RAP1GAP: variants seen among roughly 807,000 people sequenced by gnomAD.
RAP1GAP encodes RAP1 GTPase activating protein.
RAP1GAP carries 35 observed loss-of-function variants against 87.2 expected under a neutral mutation model. That is an observed-to-expected ratio of 0.40 (90% CI 0.31 to 0.53). The LOEUF is 0.53. RAP1GAP is among the 20% of genes least tolerant of loss of function. The probability of loss-of-function intolerance (pLI) is 0.48; values close to 1 mark genes in which losing one functional copy is unlikely to be tolerated. For synonymous variants in RAP1GAP, 375 were observed against 363.9 expected (o/e 1.03, Z -0.35); for missense variants, 734 against 898.9 (o/e 0.82, Z 2.35).
chr1:21,653,500 G>A (rs905243159), intron 1 of RAP1GAP, among the ~76,000 whole-genome samples: 2 of 152,016 alleles, frequency 1.3e-5, no homozygotes, highest in Non-Finnish European at 1.5e-5. Context: ...GGCTCCTGAG[G>A]GGTGGGTCCT....
In RAP1GAP at chr1:21,602,889, G is replaced by A. The variant is rs1438026416; in HGVS notation, c.1453C>T (p.Pro485Ser). ...GISLIVPGKS[P>S]TRKKSGPFGS... ...AACGGGCCCGACTTCTTCCTCGTGG[G>A]GCTCTTCCCAGGGACAATCAGTGAC... The change falls in exon 19 of 25, where the codon CCC (proline) becomes TCC (serine). Residue 485 changes from proline to serine, a missense_variant. Around this residue, in one of 2 missense-constraint regions of RAP1GAP, gnomAD observed 249 missense variants for 252.7 expected, o/e 0.99. Coordinates refer to ENST00000374765, the MANE Select transcript of RAP1GAP (RefSeq NM_002885.4). The A allele has an allele frequency of 6.2e-7, 1 of 1,610,362 alleles. No individual in the cohort carries two copies.
rs2089623453 is a variant in RAP1GAP, at chr1:21,622,812, C to G, written c.-18-2762G>C. 1 of 152,174 alleles carries G rather than the reference C, an allele frequency of 6.6e-6. No homozygotes were observed. Among genetic ancestry groups the G allele is most frequent in the Admixed American group, 6.5e-5 (1 of 15,292 alleles). The allele number at this position is 152,174 out of a possible 1,614,324, so 9.4% of individuals were successfully genotyped here. A position where few individuals can be genotyped will look rare whatever the true frequency, so the allele number is the denominator to read the frequency against. On this transcript the variant is annotated intron_variant, in intron 3 of 24. Transcript: ENST00000374765. This position sits in a 1 kb window ranked among gnomAD's most constrained non-coding sequence, Gnocchi z 5.7. ...TCCATCTTCCCAGGCTCTGGGTACC[C>G]CGCCTCGGCATCAAGGACAGGGTTG...
chr1:21,605,892 T>C (rs2074147325), intron 18 of RAP1GAP, among the ~76,000 whole-genome samples, 174 bp downstream of exon 18: 1 of 152,212 alleles, frequency 6.6e-6, no homozygotes, highest in African/African-American at 2.4e-5. Flanking sequence ...TGTCCTGGCC[T>C]GGGCACTTCA....
At chr1:21,607,328 C>T (rs1262819244) in intron 17 of RAP1GAP, among the ~76,000 whole-genome samples, 1 of 152,192 alleles carries the variant, frequency 6.6e-6, no homozygotes, top group Non-Finnish European at 1.5e-5. Flanking sequence ...TTGCACTAAC[C>T]TAACTCTTTT....
rs1022615094 is a variant in RAP1GAP, at chr1:21,634,724, C to T, written c.-112-8327G>A. On this transcript the variant is annotated intron_variant, in intron 2 of 24. Transcript: ENST00000374765. The surrounding 1 kb of genome is among the most constrained non-coding windows in gnomAD (Gnocchi z 4.1). ...AGGTGGTCACGGGACCGGTCCCTGC[C>T]CAGGGCACAGCATCTGGGAACCAGG... is the stretch of plus-strand genomic sequence containing the variant. 5 of 455,162 alleles carry T rather than the reference C, an allele frequency of 1.1e-5. No homozygotes were observed. Among genetic ancestry groups the T allele is most frequent in the African/African-American group, 1.0e-4 (5 of 49,968 alleles). 28.2% of individuals were successfully genotyped at this position (455,162 alleles called of 1,614,324 possible).
At chr1:21,665,335 C>A in intron 1 of RAP1GAP, 1 of 466,948 alleles carries the variant, frequency 2.1e-6, no homozygotes, top group Non-Finnish European at 4.4e-6. Context: ...GTGGGCAAGT[C>A]ACTTTCTCTC....
chr1:21,613,617 G>C lies in RAP1GAP; in HGVS notation c.474+11C>G. 1 of 1,607,636 alleles carries C rather than the reference G, an allele frequency of 6.2e-7. No individual in the cohort carries two copies. ...GCCAGCCCGGGAAGCTCAGCGGAGC[G>C]GAGACCTCACCTTTGCCATCTGGAC... On this transcript the variant is annotated intron_variant, in intron 9 of 24. Coordinates refer to ENST00000374765, the MANE Select transcript of RAP1GAP (RefSeq NM_002885.4). The surrounding 1 kb of genome is among the most constrained non-coding windows in gnomAD (Gnocchi z 4.7).
At chr1:21,601,403 C>T (rs1050031013) in intron 20 of RAP1GAP, among the ~76,000 whole-genome samples, 5 of 152,214 alleles carry the variant, frequency 3.3e-5, no homozygotes, top group African/African-American at 1.2e-4. Context: ...CACCATGATC[C>T]GGCAACAGCC....
intron 2 of RAP1GAP, among the ~76,000 whole-genome samples, chr1:21,633,189 G>A (rs1201187137): frequency 6.6e-6 from 1 of 152,194 alleles, no homozygotes; most frequent in African/African-American, 2.4e-5. Context: ...GTCCTGGGTG[G>A]TGGGCTTGGC....
intron 2 of RAP1GAP, among the ~76,000 whole-genome samples, chr1:21,629,690 A>G (rs1350969591): frequency 6.6e-6 from 1 of 152,258 alleles, no homozygotes; most frequent in African/African-American, 2.4e-5. Flanking sequence ...GAAGAGGGAC[A>G]GGAATGACAA....
At chr1:21,660,339 C>CTATTTATATATATATATA (rs563814821) in intron 1 of RAP1GAP, among the ~76,000 whole-genome samples, 16 of 52,850 alleles carry the variant, frequency 3.0e-4, no homozygotes, top group African/African-American at 7.2e-4. Flanking sequence ...TCCAACTCAG[C>CTATTTATATATATATATA]TATATATATT....
chr1:21,631,330 T>A (rs1198775630), intron 2 of RAP1GAP, among the ~76,000 whole-genome samples: 2 of 152,226 alleles, frequency 1.3e-5, no homozygotes, highest in African/African-American at 4.8e-5. Flanking sequence ...TGGTCACATC[T>A]GTGCAGCACC....
chr1:21,664,790 G>T (rs1030758005), intron 1 of RAP1GAP, among the ~76,000 whole-genome samples: 4 of 152,036 alleles, frequency 2.6e-5, no homozygotes, highest in Non-Finnish European at 5.9e-5. Context: ...GATGTTTTTA[G>T]AAAAGATTTT....
chr1:21,665,509 G>A (rs2097311888), intron 1 of RAP1GAP, among the ~76,000 whole-genome samples: 1 of 152,182 alleles, frequency 6.6e-6, no homozygotes, highest in African/African-American at 2.4e-5. Context: ...CATTGTGCTG[G>A]TGCAAAGCAG....
In RAP1GAP at chr1:21,668,016, T is replaced by A. The variant is rs2097430857; in HGVS notation, c.-149+1238A>T. On this transcript the variant is annotated intron_variant, in intron 1 of 24. Coordinates refer to ENST00000374765, the MANE Select transcript of RAP1GAP (RefSeq NM_002885.4). This position sits in a 1 kb window ranked among gnomAD's most constrained non-coding sequence, Gnocchi z 6.2. Reference sequence around the variant, plus strand: ...CTGGACCTGATCACTGCCTCCCCACTCAGCCACAGCCCTCAGGGCCCTGTG... The same window carrying A: ...CTGGACCTGATCACTGCCTCCCCACACAGCCACAGCCCTCAGGGCCCTGTG... 6.6e-6 allele frequency among the ~76,000 whole-genome samples: 1 copy of A among 152,090 alleles called. No individual in the cohort carries two copies. The highest frequency in any genetic ancestry group is 2.4e-5 in the African/African-American group (1 of 41,420).
At chr1:21,658,056 GT>G (rs967667514) in intron 1 of RAP1GAP, among the ~76,000 whole-genome samples, 1 of 152,172 alleles carries the variant, frequency 6.6e-6, no homozygotes, top group African/African-American at 2.4e-5. Context: ...AGCTACGCTG[GT>G]GAGAGTCCCA....
Position 21,634,670 on chromosome 1 carries a change from T to C in RAP1GAP, c.-112-8273A>G, listed in dbSNP as rs577841685. ...GGAGCTGGGCCAGGCAGAGGCCTCC[T>C]GAACAAATAACAGGTTGGCAGCCTA... On this transcript the variant is annotated intron_variant, in intron 2 of 24. Transcript: ENST00000374765. This position sits in a 1 kb window ranked among gnomAD's most constrained non-coding sequence, Gnocchi z 4.1. The C allele has an allele frequency of 6.5e-6, 2 of 309,052 alleles. No individual in the cohort carries two copies. The highest frequency in any genetic ancestry group is 6.4e-5 in the Admixed American group (2 of 31,080). 19.1% of individuals were successfully genotyped at this position (309,052 alleles called of 1,614,324 possible). A position where few individuals can be genotyped will look rare whatever the true frequency, so the allele number is the denominator to read the frequency against.
At chr1:21,630,378 C>G (rs748514925) in intron 2 of RAP1GAP, among the ~76,000 whole-genome samples, 34 of 151,196 alleles carry the variant, frequency 2.2e-4, no homozygotes, top group Non-Finnish European at 4.1e-4. Flanking sequence ...AAGCCATCCT[C>G]CCTCCTCAGC....
At chr1:21,614,123 G>A (rs1003008846) in intron 7 of RAP1GAP, 34 bp from the exon 8 acceptor site, 1 of 1,451,698 alleles carries the variant, frequency 6.9e-7, no homozygotes, top group Non-Finnish European at 9.5e-7. Context: ...GGGAGTGGGT[G>A]AGGCTGAGCA....
Sources: allele counts gnomAD v4.1 joint callset (sites outside exome capture counted in the v4.1 genomes callset), GRCh38; gene constraint gnomAD v4.1.1; regional missense constraint gnomAD v4.1.1; non-coding constraint Gnocchi (gnomAD v3.1); transcripts MANE v1.5; gene names NCBI Gene and HGNC (gene_info 2026-07-23, HGNC 2026-07-21).